The following PPP2R3A variants were observed in gnomAD, a reference collection of about 807,000 sequenced individuals.
The protein encoded by PPP2R3A is protein phosphatase 2 regulatory subunit B''alpha.
Under a neutral mutation model 106.9 loss-of-function variants are expected in PPP2R3A, and 80 were observed. That is an observed-to-expected ratio of 0.75 (90% CI 0.62 to 0.90). PPP2R3A has a LOEUF of 0.90. Among genes scored for constraint, PPP2R3A ranks in the 40% least tolerant of loss-of-function variants. PPP2R3A has a pLI of 0.00. For synonymous variants in PPP2R3A, 483 were observed against 468.3 expected, an observed-to-expected ratio of 1.03 and a Z score of -0.41; for missense variants, 1,386 against 1,350.4, an observed-to-expected ratio of 1.03 and a Z score of -0.41.
intron 6 of PPP2R3A, among the ~76,000 whole-genome samples, chr3:136,076,731 A>G (rs1047279134): frequency 3.3e-5 from 5 of 152,046 alleles, no homozygotes; most frequent in African/African-American, 1.2e-4. Flanking sequence ...GGTGGATCAC[A>G]AGGTCAGGAG....
At chr3:136,051,176 G>A (rs1450287981) in intron 5 of PPP2R3A, among the ~76,000 whole-genome samples, 1 of 152,222 alleles carries the variant, frequency 6.6e-6, no homozygotes, top group Admixed American at 6.5e-5. Flanking sequence ...TTGAAGCTAA[G>A]ATAAGCTTTT....
At chr3:136,070,216 C>T (rs921399162) in intron 5 of PPP2R3A, among the ~76,000 whole-genome samples, 2 of 152,116 alleles carry the variant, frequency 1.3e-5, no homozygotes, top group African/African-American at 4.8e-5. Context: ...CAGTACATAC[C>T]TCGGAGACAT....
chr3:136,001,720 C>G lies in PPP2R3A; in HGVS notation c.222C>G (p.Pro74=), dbSNP rs1193993547. Residue 74 remains proline (P), a synonymous_variant, in exon 2 of 14, where the codon CCC becomes CCG. Transcript: ENST00000264977. ...CAGATCTGAACTCTATGTTTCTACC[C>G]CATGAAAATGGGCTTTCTTCGGCTG... ...KDADLNSMFL[P]HENGLSSAEG... 5 of 1,613,968 alleles carry G rather than the reference C, an allele frequency of 3.1e-6. No individual in the cohort carries two copies. In the African/African-American group the frequency reaches 4.0e-5, roughly 13 times the overall value.
intron 1 of PPP2R3A, among the ~76,000 whole-genome samples, chr3:135,991,748 C>G (rs1026488164): frequency 2.0e-5 from 3 of 152,148 alleles, no homozygotes; most frequent in African/African-American, 7.2e-5. Context: ...GTGACTTGAC[C>G]AAGTTACCCA....
intron 13 of PPP2R3A, among the ~76,000 whole-genome samples, chr3:136,142,757 A>G (rs1009656621): frequency 6.6e-6 from 1 of 152,212 alleles, no homozygotes; most frequent in Non-Finnish European, 1.5e-5. Context: ...AGGAGTTCAA[A>G]TATTTACTGA....
intron 1 of PPP2R3A, among the ~76,000 whole-genome samples, chr3:135,983,590 G>A (rs564185592): frequency 2.6e-4 from 40 of 152,232 alleles, no homozygotes; most frequent in African/African-American, 9.6e-4. Context: ...CTTCTGTTAA[G>A]TTTCTTTAAA....
At position 136,002,340 on chromosome 3, in the gene PPP2R3A, T is replaced by C; in HGVS notation, c.842T>C (p.Val281Ala). Reference sequence around the variant, plus strand: ...AGCTCTGAAACTGTCTATATGAATGTAATGACCAGGTTAGCATCCTATCTG... The same window carrying C: ...AGCTCTGAAACTGTCTATATGAATGCAATGACCAGGTTAGCATCCTATCTG... Reference protein sequence around the residue: ...ISSSETVYMNVMTRLASYLKK... With the variant: ...ISSSETVYMNAMTRLASYLKK... The change falls in exon 2 of 14, where the codon GTA becomes GCA. Residue 281 changes from valine to alanine, a missense_variant. Physicochemically the swap from Val to Ala is moderately conservative, Grantham distance 64 (BLOSUM62 0). Coordinates refer to ENST00000264977, the MANE Select transcript of PPP2R3A (RefSeq NM_002718.5). The C allele has an allele frequency of 6.2e-7, 1 of 1,613,806 alleles. No individual in the cohort carries two copies. The highest frequency in any genetic ancestry group is 1.1e-5 in the South Asian group (1 of 91,042).
intron 9 of PPP2R3A, among the ~76,000 whole-genome samples, chr3:136,088,480 C>T (rs1937014733): frequency 6.6e-6 from 1 of 152,180 alleles, no homozygotes; most frequent in Non-Finnish European, 1.5e-5. Flanking sequence ...ACCACATTTT[C>T]TTTATCCAGT....
At chr3:136,062,836 C>T (rs1936123404) in intron 5 of PPP2R3A, among the ~76,000 whole-genome samples, 2 of 151,998 alleles carry the variant, frequency 1.3e-5, no homozygotes, top group Admixed American at 6.6e-5. Context: ...ATGAAAATGG[C>T]CATATTGCCC....
intron 5 of PPP2R3A, among the ~76,000 whole-genome samples, chr3:136,067,964 C>T (rs1027203630): frequency 6.6e-6 from 1 of 152,200 alleles, no homozygotes; most frequent in African/African-American, 2.4e-5. Flanking sequence ...CAGGCTCATG[C>T]CTGTGATCCC....
At chr3:136,042,134 A>T (rs969222207) in intron 4 of PPP2R3A, among the ~76,000 whole-genome samples, 3 of 152,224 alleles carry the variant, frequency 2.0e-5, no homozygotes, top group African/African-American at 7.2e-5. Flanking sequence ...AAAAGCCCTT[A>T]ATAGGATAAT....
chr3:136,055,725 A>G (rs1376138855), intron 5 of PPP2R3A: 1 of 710,350 alleles, frequency 1.4e-6, no homozygotes, highest in Non-Finnish European at 2.5e-6. Context: ...GAGAAATACC[A>G]CTACTTGGGA....
At chr3:136,039,547 A>G (rs1935190978) in intron 3 of PPP2R3A, among the ~76,000 whole-genome samples, 1 of 152,112 alleles carries the variant, frequency 6.6e-6, no homozygotes, top group Non-Finnish European at 1.5e-5. Flanking sequence ...TAGAGTGCAC[A>G]ACCTAGATCC....
intron 6 of PPP2R3A, among the ~76,000 whole-genome samples, chr3:136,074,078 G>A (rs918413420): frequency 2.6e-5 from 4 of 152,046 alleles, no homozygotes; most frequent in African/African-American, 4.8e-5. Context: ...TATAATCTTC[G>A]TGGCATACAG....
At chr3:136,020,019 A>C (rs1395641356) in intron 2 of PPP2R3A, among the ~76,000 whole-genome samples, 1 of 152,186 alleles carries the variant, frequency 6.6e-6, no homozygotes, top group African/African-American at 2.4e-5. Flanking sequence ...AGTAAGAAAG[A>C]GACCACATCT....
intron 13 of PPP2R3A, among the ~76,000 whole-genome samples, chr3:136,136,269 A>G (rs1243767232): frequency 6.6e-6 from 1 of 151,994 alleles, no homozygotes; most frequent in African/African-American, 2.4e-5. Flanking sequence ...GACAGTGTAT[A>G]TAATATAAGG....
intron 2 of PPP2R3A, among the ~76,000 whole-genome samples, chr3:136,009,800 T>A (rs576893442): frequency 6.6e-6 from 1 of 152,332 alleles, no homozygotes; most frequent in Admixed American, 6.5e-5. Context: ...GAATATACTC[T>A]GAGGTTCCTT....
chr3:136,018,835 C>G (rs1055791985), intron 2 of PPP2R3A, among the ~76,000 whole-genome samples: 3 of 152,172 alleles, frequency 2.0e-5, no homozygotes, highest in Admixed American at 6.5e-5. Context: ...AAAACTCATG[C>G]CCAGCAGCCT....
At chr3:135,977,034 T>C (rs1354715190) in intron 1 of PPP2R3A, among the ~76,000 whole-genome samples, 1 of 152,118 alleles carries the variant, frequency 6.6e-6, no homozygotes, top group Admixed American at 6.5e-5. Context: ...TGCAGTAGTT[T>C]TATAATATTT....
Sources: gnomAD v4.1 joint callset for allele counts (sites outside exome capture counted in the v4.1 genomes callset) on GRCh38, gnomAD v4.1.1 for gene constraint, MANE v1.5 for transcripts, NCBI Gene and HGNC (gene_info 2026-07-23, HGNC 2026-07-21) for gene names.